NRXN1: variants seen among roughly 807,000 people sequenced by gnomAD.
NRXN1 encodes the protein neurexin 1.
NRXN1 carries 39 observed loss-of-function variants against 150.9 expected under a neutral mutation model. The observed-to-expected ratio is 0.26, with a 90% confidence interval of 0.20 to 0.34. The LOEUF is 0.34. NRXN1 is among the 10% of genes least tolerant of loss of function. The pLI, the probability that NRXN1 is intolerant of heterozygous loss-of-function variation, is 1.00. For missense variants in NRXN1, 1,815 were observed against 1,949.9 expected (o/e 0.93, Z 1.30); for synonymous variants, 924 against 757.0 (o/e 1.22, Z -3.62).
intron 19 of NRXN1, among the ~76,000 whole-genome samples, chr2:50,083,607 G>T (rs1259588682): frequency 3.3e-5 from 5 of 152,154 alleles, no homozygotes; most frequent in African/African-American, 9.7e-5. Flanking sequence ...CCAGCAGGTG[G>T]CCAGGGCTGG....
chr2:50,073,406 T>C (rs1696594221), intron 19 of NRXN1, among the ~76,000 whole-genome samples: 1 of 152,180 alleles, frequency 6.6e-6, no homozygotes, highest in South Asian at 2.1e-4. Flanking sequence ...CTCTCCTCAG[T>C]CTCTTCTGTC....
At chr2:50,141,169 T>C (rs1707220758) in intron 18 of NRXN1, among the ~76,000 whole-genome samples, 1 of 151,968 alleles carries the variant, frequency 6.6e-6, no homozygotes, top group African/African-American at 2.4e-5. Context: ...AAGAGAGTGA[T>C]TAGCATGCGA....
rs546578788 is a variant in NRXN1, at chr2:50,316,759, G to A, written c.3365-79789C>T. On this transcript the variant is annotated intron_variant, in intron 17 of 22. Transcript: ENST00000401669. Reference sequence around the variant, plus strand: ...ATTTAATGAGAAATACAAATTTGCCGAAAATATGTCTTCCTTCTTTAGGAG... The same window carrying A: ...ATTTAATGAGAAATACAAATTTGCCAAAAATATGTCTTCCTTCTTTAGGAG... Among the ~76,000 whole-genome samples the A allele has an allele frequency of 5.3e-5, 8 of 151,972 alleles. No homozygotes were observed. The East Asian group carries it at 1.2e-3, about 22-fold the overall frequency.
At chr2:51,007,284 T>A (rs1667169602) in intron 2 of NRXN1, among the ~76,000 whole-genome samples, 1 of 152,030 alleles carries the variant, frequency 6.6e-6, no homozygotes, top group Admixed American at 6.6e-5. Context: ...TCAAAAAAAA[T>A]TATTGTCCAA....
chr2:50,343,187 G>A (rs1473230574), intron 17 of NRXN1, among the ~76,000 whole-genome samples: 1 of 152,128 alleles, frequency 6.6e-6, no homozygotes, highest in Non-Finnish European at 1.5e-5. Flanking sequence ...GGCACTGGTG[G>A]CTTTCTCCTT....
chr2:50,090,381 G>T (rs543853071), intron 19 of NRXN1, among the ~76,000 whole-genome samples: 28 of 152,158 alleles, frequency 1.8e-4, no homozygotes, highest in African/African-American at 6.7e-4. Flanking sequence ...AAATAGAAAT[G>T]TATTTTTATA....
At chr2:50,678,972 T>C (rs954211802) in intron 5 of NRXN1, among the ~76,000 whole-genome samples, 9 of 152,166 alleles carry the variant, frequency 5.9e-5, no homozygotes, top group South Asian at 4.1e-4. Context: ...TAGGGACAGA[T>C]GTACGGTCAG....
At chr2:50,931,094 C>A (rs180992569) in intron 2 of NRXN1, among the ~76,000 whole-genome samples, 28 of 152,202 alleles carry the variant, frequency 1.8e-4, no homozygotes, top group Admixed American at 1.5e-3. Context: ...GTATTACCAT[C>A]AGAGAATATT....
chr2:50,421,557 A>C (rs1165298789), intron 17 of NRXN1, among the ~76,000 whole-genome samples: 2 of 152,128 alleles, frequency 1.3e-5, no homozygotes, highest in African/African-American at 4.8e-5. Context: ...CATGTATCTG[A>C]TTTGCATATG....
At chr2:50,725,171 T>C (rs571767115) in intron 5 of NRXN1, among the ~76,000 whole-genome samples, 2 of 152,302 alleles carry the variant, frequency 1.3e-5, no homozygotes, top group African/African-American at 4.8e-5. Flanking sequence ...ATTATCTCGA[T>C]GTGACCTTGG....
At chr2:50,144,288 T>C (rs1383904835) in intron 18 of NRXN1, among the ~76,000 whole-genome samples, 1 of 151,836 alleles carries the variant, frequency 6.6e-6, no homozygotes, top group East Asian at 1.9e-4. Context: ...TTTTTTCCCT[T>C]AGTTTCAAGC....
intron 15 of NRXN1, among the ~76,000 whole-genome samples, chr2:50,487,498 A>G (rs548317010): frequency 6.6e-6 from 1 of 152,354 alleles, no homozygotes; most frequent in South Asian, 2.1e-4. Context: ...AAAGAGCCAC[A>G]ACAGTGCTAT....
chr2:50,427,468 C>T (rs1033770072), intron 17 of NRXN1, among the ~76,000 whole-genome samples: 2 of 151,866 alleles, frequency 1.3e-5, no homozygotes, highest in Non-Finnish European at 2.9e-5. Flanking sequence ...TGGTTCTGCT[C>T]ATATATCAGA....
chr2:50,342,169 G>C (rs1382408653), intron 17 of NRXN1, among the ~76,000 whole-genome samples: 1 of 152,152 alleles, frequency 6.6e-6, no homozygotes, highest in Non-Finnish European at 1.5e-5. Context: ...ATAAATGAAT[G>C]CATGAATGAA....
Position 51,029,063 on chromosome 2 carries a change from G to A in NRXN1, c.-790C>T, listed in dbSNP as rs1254301597. The stretch of plus-strand genomic sequence containing the variant: ...GCGAAATAGCCAGAAGCTGTTAGAT[G>A]TGGAAATCGCAACAGCTCCTCTTCT... On this transcript the variant is annotated 5_prime_UTR_variant, in exon 2 of 23. Coordinates refer to ENST00000401669, the MANE Select transcript of NRXN1 (RefSeq NM_001330078.2). The A allele has an allele frequency of 6.6e-6, 1 of 152,248 alleles. No homozygotes were observed. Among genetic ancestry groups the A allele is most frequent in the African/African-American group, 2.4e-5 (1 of 41,458 alleles). The allele number at this position is 152,248 out of a possible 1,614,324, so 9.4% of individuals were successfully genotyped here. A position where few individuals can be genotyped will look rare whatever the true frequency, so the allele number is the denominator to read the frequency against.
intron 18 of NRXN1, among the ~76,000 whole-genome samples, chr2:50,128,617 G>T (rs1704965108): frequency 6.6e-6 from 1 of 152,054 alleles, no homozygotes; most frequent in Non-Finnish European, 1.5e-5. Context: ...CACATCTGAT[G>T]CTCAAAAAGA....
intron 2 of NRXN1, among the ~76,000 whole-genome samples, chr2:50,997,498 G>C (rs780747751): frequency 9.2e-6 from 1 of 108,674 alleles, no homozygotes; most frequent in African/African-American, 5.7e-5. Context: ...ATATTTGAAG[G>C]GGAAAACATT....
intron 15 of NRXN1, among the ~76,000 whole-genome samples, chr2:50,482,306 T>C (rs896960779): frequency 1.3e-5 from 2 of 152,134 alleles, no homozygotes; most frequent in Non-Finnish European, 2.9e-5. Context: ...GTGTGGCAGA[T>C]GGGGTGCGAG....
intron 18 of NRXN1, chr2:50,174,709 T>A (rs1216121592): frequency 6.6e-6 from 1 of 152,158 alleles, no homozygotes; most frequent in African/African-American, 2.4e-5. Context: ...TACCTTATAA[T>A]GTTGTTGGAA....
Sources: gnomAD v4.1 joint callset for allele counts (sites outside exome capture counted in the v4.1 genomes callset) on GRCh38, gnomAD v4.1.1 for gene constraint, MANE v1.5 for transcripts, NCBI Gene and HGNC (gene_info 2026-07-23, HGNC 2026-07-21) for gene names.